PRKX: variants seen among roughly 807,000 people sequenced by gnomAD.
PRKX encodes the protein cAMP-dependent protein kinase catalytic subunit PRKX.
Under a neutral mutation model 22.0 loss-of-function variants are expected in PRKX, and 12 were observed. The observed-to-expected ratio is 0.54, with a 90% CI of 0.35 to 0.88. The LOEUF (loss-of-function observed/expected upper bound fraction) is 0.88, where lower values mean the gene tolerates loss of function less well. Among genes scored for constraint, PRKX ranks in the 40% least tolerant of loss-of-function variants. The pLI is 0.01. For synonymous variants in PRKX, 134 were observed against 137.7 expected, an observed-to-expected ratio of 0.97 and a Z score of 0.19; for missense variants, 217 against 308.0, an observed-to-expected ratio of 0.70 and a Z score of 2.21.
chrX:3,642,424 G>A (rs1202523273), intron 3 of PRKX, among the ~76,000 whole-genome samples: 1 of 110,172 alleles, frequency 9.1e-6, no homozygotes, highest in African/African-American at 3.3e-5. Context: ...GCTAAACACT[G>A]GGGACACACA....
At chrX:3,692,147 CAGAA>C (rs1225539622) in intron 1 of PRKX, among the ~76,000 whole-genome samples, 1 of 105,200 alleles carries the variant, frequency 9.5e-6, no homozygotes, top group African/African-American at 3.5e-5. Flanking sequence ...GAGAGAGAGA[CAGAA>C]AGAGAGAGAC....
chrX:3,659,729 GTTTT>G (rs200394116), intron 2 of PRKX, among the ~76,000 whole-genome samples: 3 of 32,659 alleles, frequency 9.2e-5, no homozygotes, highest in African/African-American at 4.8e-4. Flanking sequence ...TTTTTTTTTT[GTTTT>G]TTTTTTTTTT....
chrX:3,694,969 A>G (rs763180770), intron 1 of PRKX, among the ~76,000 whole-genome samples: 2 of 112,184 alleles, frequency 1.8e-5, no homozygotes, highest in Non-Finnish European at 3.8e-5. Context: ...CCTGGTGTCC[A>G]GGCCTGGGAG....
intron 6 of PRKX, among the ~76,000 whole-genome samples, chrX:3,619,357 G>C (rs926230492): frequency 9.2e-6 from 1 of 108,781 alleles, no homozygotes; most frequent in Non-Finnish European, 1.9e-5. Context: ...GCAGGAAGCA[G>C]ACACAATTAT....
intron 1 of PRKX, among the ~76,000 whole-genome samples, chrX:3,693,939 C>CAAAAAAAAAAAAAA (rs1230845031): frequency 3.0e-5 from 1 of 33,086 alleles, no homozygotes; most frequent in African/African-American, 1.1e-4. Flanking sequence ...GACTCCGTCT[C>CAAAAAAAAAAAAAA]AAAAAAAAAA....
At chrX:3,681,570 A>G (rs1479479843) in intron 1 of PRKX, among the ~76,000 whole-genome samples, 1 of 109,293 alleles carries the variant, frequency 9.1e-6, no homozygotes, top group Non-Finnish European at 1.9e-5. Context: ...AATGTCTTGA[A>G]CCAGGGAGCA....
chrX:3,673,121 C>T (rs1281630716), intron 2 of PRKX, among the ~76,000 whole-genome samples: 3 of 111,689 alleles, frequency 2.7e-5, no homozygotes, highest in Non-Finnish European at 5.6e-5. Context: ...GCACTTGTTC[C>T]AGTACACACG....
chrX:3,609,309 C>T (rs1028157340), intron 8 of PRKX, among the ~76,000 whole-genome samples: 7 of 110,820 alleles, frequency 6.3e-5, no homozygotes, highest in Non-Finnish European at 5.7e-5. Flanking sequence ...TACAGGTGCC[C>T]GCCACCACGC....
intron 3 of PRKX, among the ~76,000 whole-genome samples, chrX:3,648,606 C>CTCTG (rs1491321616): frequency 9.7e-5 from 7 of 72,249 alleles, no homozygotes; most frequent in Middle Eastern, 7.6e-3. Context: ...CTCTCTACTC[C>CTCTG]TGTGTGTGTG....
intron 1 of PRKX, among the ~76,000 whole-genome samples, chrX:3,689,744 A>G (rs6641853): frequency 0.22 from 24,263 of 111,284 alleles, 1,950 homozygotes; most frequent in East Asian, 0.44. Context: ...TTGGGAGGCC[A>G]AGGCGGGCGG....
chrX:3,673,629 C>T (rs776128657), intron 2 of PRKX, among the ~76,000 whole-genome samples: 8 of 110,048 alleles, frequency 7.3e-5, no homozygotes, highest in South Asian at 8.0e-4. Flanking sequence ...AGCAAGATGG[C>T]GGAGGGAAGA....
chrX:3,649,598 G>C (rs1399403729), intron 3 of PRKX, among the ~76,000 whole-genome samples: 1 of 10,488 alleles, frequency 9.5e-5, no homozygotes, highest in Non-Finnish European at 1.9e-4. Context: ...CTAGGGGAGG[G>C]GAGGGGAGGG....
At chrX:3,699,906 C>T (rs1382721617) in intron 1 of PRKX, among the ~76,000 whole-genome samples, 1 of 112,043 alleles carries the variant, frequency 8.9e-6, no homozygotes, top group Admixed American at 9.5e-5. Context: ...TAGCAGGTGG[C>T]GGCTGCCTTG....
chrX:3,671,403 G>C (rs1161695635), intron 2 of PRKX, among the ~76,000 whole-genome samples: 1 of 111,515 alleles, frequency 9.0e-6, no homozygotes, highest in African/African-American at 3.3e-5. Context: ...CCCCAAATCA[G>C]AGAATTCTGA....
At chrX:3,620,469 G>A (rs953792452) in intron 6 of PRKX, among the ~76,000 whole-genome samples, 2 of 112,231 alleles carry the variant, frequency 1.8e-5, no homozygotes, top group South Asian at 3.7e-4. Context: ...AGTGGTCCAC[G>A]GCCTATGAGG....
chrX:3,699,666 T>C (rs113393473), intron 1 of PRKX, among the ~76,000 whole-genome samples: 1,195 of 112,577 alleles, frequency 0.011, 12 homozygotes, highest in African/African-American at 0.037. Flanking sequence ...GGTTTCACTC[T>C]TAAAGAGGTA....
At chrX:3,710,474 C>T (rs184655529) in intron 1 of PRKX, among the ~76,000 whole-genome samples, 34 of 111,758 alleles carry the variant, frequency 3.0e-4, no homozygotes, top group Admixed American at 1.2e-3. Context: ...TGGGTGCAAG[C>T]AATTCCTCTG....
At chrX:3,688,993 G>A (rs1157362683) in intron 1 of PRKX, among the ~76,000 whole-genome samples, 1 of 111,876 alleles carries the variant, frequency 8.9e-6, no homozygotes. Context: ...GAAGGAGAGG[G>A]CAAATTCTGC....
At position 3,639,663 on chromosome X, in the gene PRKX, T is replaced by A. The variant is rs558798933; in HGVS notation, c.719+2189A>T. The stretch of plus-strand genomic sequence containing the variant: ...ATGGATGATAAACAATACACATGGA[T>A]AGCTAGACAATGAAATACAGGTTTT... On this transcript the variant is annotated intron_variant, in intron 4 of 8. Transcript: ENST00000262848. Among the ~76,000 whole-genome samples, 57 of 109,386 alleles carry A rather than the reference T, an allele frequency of 5.2e-4. No individual in the cohort carries two copies. The South Asian group carries it at 0.023, about 44-fold the overall frequency. 95.0% of individuals were successfully genotyped at this position (109,386 alleles called of 115,157 possible).
Sources: gnomAD v4.1 joint callset for allele counts (sites outside exome capture counted in the v4.1 genomes callset) on GRCh38, gnomAD v4.1.1 for gene constraint, MANE v1.5 for transcripts, NCBI Gene and HGNC (gene_info 2026-07-23, HGNC 2026-07-21) for gene names.